MYO16: variants seen among roughly 807,000 people sequenced by gnomAD.
MYO16 encodes myosin XVI, also known as unconventional myosin-XVI.
In MYO16, 94 loss-of-function variants were observed where a neutral mutation model predicts 205.3. The observed-to-expected ratio is 0.46, with a 90% confidence interval of 0.39 to 0.54. MYO16 has a LOEUF of 0.54. Among genes scored for constraint, MYO16 ranks in the 20% least tolerant of loss-of-function variants. The pLI is 0.00. For synonymous variants in MYO16, 988 were observed against 954.0 expected, an observed-to-expected ratio of 1.04 and a Z score of -0.66; for missense variants, 2,315 against 2,387.5, an observed-to-expected ratio of 0.97 and a Z score of 0.63.
chr13:108,503,348 C>T, the MYO16 span, among the ~76,000 whole-genome samples: 6 of 152,054 alleles, frequency 3.9e-5, no homozygotes, highest in Admixed American at 3.3e-4. Flanking sequence ...CTGCCGGGAG[C>T]CGACGATATA....
the MYO16 span, among the ~76,000 whole-genome samples, chr13:108,543,535 C>A: frequency 1.3e-5 from 2 of 150,374 alleles, no homozygotes; most frequent in African/African-American, 4.9e-5. Flanking sequence ...CCAGCTACTC[C>A]GGAGGCTGAG....
chr13:109,164,341 TG>T (rs1647346480), intron 32 of MYO16, among the ~76,000 whole-genome samples: 1 of 152,188 alleles, frequency 6.6e-6, no homozygotes, highest in African/African-American at 2.4e-5. Context: ...GTGGCTTTCG[TG>T]TTCGTACCTC....
chr13:109,153,080 C>T lies in MYO16; in HGVS notation c.5164+11704C>T, dbSNP rs192447914. On this transcript the variant is annotated intron_variant, in intron 32 of 34. Coordinates refer to ENST00000457511, the MANE Select transcript of MYO16 (RefSeq NM_001198950.3). ...GATACTACTCGGGATTCACAAAACA[C>T]GACGTATCCATGACGCTCGTTCAAC... is the stretch of plus-strand genomic sequence containing the variant. 2.7e-4 allele frequency among the ~76,000 whole-genome samples: 41 copies of T among 152,244 alleles called. No homozygotes were observed. In the South Asian group the frequency reaches 3.1e-3, roughly 12 times the overall value.
intron 2 of MYO16, among the ~76,000 whole-genome samples, chr13:108,671,208 G>A (rs1189167589): frequency 6.6e-6 from 1 of 152,184 alleles, no homozygotes; most frequent in East Asian, 1.9e-4. Flanking sequence ...TTTGCATGGT[G>A]TAATGATTAT....
In MYO16 at chr13:109,125,054, G is replaced by T. The variant is rs1056466790; in HGVS notation, c.3536-58G>T. ...TAAGTATATTATGATTTTTGTTTGTGCATGTCTGAGTTTTTCACTTTTCCT... is the reference window on the plus strand; with the variant it reads ...TAAGTATATTATGATTTTTGTTTGTTCATGTCTGAGTTTTTCACTTTTCCT... On this transcript the variant is annotated intron_variant, in intron 29 of 34. Transcript: ENST00000457511. The surrounding 1 kb of genome is among the most constrained non-coding windows in gnomAD (Gnocchi z 4.0). 6.4e-7 allele frequency: 1 copy of T among 1,566,492 alleles called. No individual in the cohort carries two copies.
intron 16 of MYO16, among the ~76,000 whole-genome samples, chr13:108,946,868 A>G (rs1882960716): frequency 6.6e-6 from 1 of 152,086 alleles, no homozygotes; most frequent in Non-Finnish European, 1.5e-5. Flanking sequence ...CAGCCTCCCA[A>G]ATAGCAGGGA....
the MYO16 span, among the ~76,000 whole-genome samples, chr13:108,538,965 G>A: frequency 6.6e-6 from 1 of 152,080 alleles, no homozygotes; most frequent in African/African-American, 2.4e-5. Context: ...ACTGAATAGT[G>A]TGTACCACTC....
intron 16 of MYO16, among the ~76,000 whole-genome samples, chr13:108,913,949 T>C (rs1184490163): frequency 6.6e-6 from 1 of 152,196 alleles, no homozygotes; most frequent in Non-Finnish European, 1.5e-5. Flanking sequence ...GATTTCTTTA[T>C]GGCACTTCCC....
At chr13:108,544,993 C>T in the MYO16 span, among the ~76,000 whole-genome samples, 2 of 149,698 alleles carry the variant, frequency 1.3e-5, no homozygotes, top group African/African-American at 4.9e-5. Flanking sequence ...ATTTTCTTTT[C>T]TTTTTTTTTT....
chr13:108,891,829 G>A lies in MYO16; in HGVS notation c.1659+3352G>A, dbSNP rs192171849. Among the ~76,000 whole-genome samples, 429 of 152,222 alleles carry A rather than the reference G, an allele frequency of 2.8e-3. 2 individuals are homozygous for A. In the Middle Eastern group the frequency reaches 0.041, roughly 14 times the overall value. ...CTAAAGGTTCAAAAGTTAAAAATAC[G>A]GAAATATACTGCACAATGAATATTG... On this transcript the variant is annotated intron_variant, in intron 14 of 34. Coordinates refer to ENST00000457511, the MANE Select transcript of MYO16 (RefSeq NM_001198950.3).
chr13:108,761,913 T>A (rs1307816215), intron 4 of MYO16, among the ~76,000 whole-genome samples: 6 of 152,236 alleles, frequency 3.9e-5, no homozygotes, highest in Non-Finnish European at 8.8e-5. Context: ...CATACATTGA[T>A]TTCATAGTGG....
chr13:109,200,241 T>G (rs1880346324), intron 34 of MYO16, among the ~76,000 whole-genome samples: 1 of 152,220 alleles, frequency 6.6e-6, no homozygotes, highest in South Asian at 2.1e-4. Flanking sequence ...TCTTTGGTTT[T>G]ATTTTAAATC....
At chr13:108,970,292 A>G (rs996284460) in intron 20 of MYO16, among the ~76,000 whole-genome samples, 6 of 152,182 alleles carry the variant, frequency 3.9e-5, no homozygotes, top group Non-Finnish European at 7.4e-5. Flanking sequence ...AAAAAGCATG[A>G]CTTGTGGTAT....
rs770254011 is a variant in MYO16 at position 109,046,926 on chromosome 13, ATGT to A, written c.2813_2815del (p.Val938del). 2 of 1,607,022 alleles carry A rather than the reference ATGT, an allele frequency of 1.2e-6. No homozygotes were observed. Among genetic ancestry groups the A allele is most frequent in the Non-Finnish European group, 1.7e-6 (2 of 1,173,796 alleles). ...TTTCTTTTATTCTAGGTAATGTATG[ATGT>A]TGTTGGGGCGATTGAAAAAAATAAA... On this transcript the variant is annotated inframe_deletion, in exon 24 of 35. Coordinates refer to ENST00000457511, the MANE Select transcript of MYO16 (RefSeq NM_001198950.3).
intron 28 of MYO16, among the ~76,000 whole-genome samples, chr13:109,111,422 A>G (rs1889278965): frequency 6.6e-6 from 1 of 152,194 alleles, no homozygotes; most frequent in Non-Finnish European, 1.5e-5. Flanking sequence ...TGGGCACTTT[A>G]AAAAATACTA....
chr13:108,987,834 T>G (rs919674518), intron 20 of MYO16, among the ~76,000 whole-genome samples: 1 of 152,224 alleles, frequency 6.6e-6, no homozygotes, highest in African/African-American at 2.4e-5. Flanking sequence ...CAGATTGTTC[T>G]GCTCAGATGA....
intron 22 of MYO16, among the ~76,000 whole-genome samples, chr13:109,015,984 T>TTAAC (rs1885799618): frequency 6.6e-6 from 1 of 152,194 alleles, no homozygotes; most frequent in Non-Finnish European, 1.5e-5. Context: ...CTGATCTTAG[T>TTAAC]TATTTCTTGC....
chr13:108,920,750 T>C (rs533614230), intron 16 of MYO16, among the ~76,000 whole-genome samples: 57 of 152,330 alleles, frequency 3.7e-4, no homozygotes, highest in African/African-American at 1.3e-3. Context: ...TGAGCCACTA[T>C]GCCCAGCCAT....
intron 21 of MYO16, among the ~76,000 whole-genome samples, chr13:109,004,686 A>T (rs192534221): frequency 1.3e-5 from 2 of 152,274 alleles, no homozygotes; most frequent in South Asian, 4.1e-4. Context: ...GATCATGAAG[A>T]TCTGGATTGC....
Sources: allele counts gnomAD v4.1 joint callset (sites outside exome capture counted in the v4.1 genomes callset), GRCh38; gene constraint gnomAD v4.1.1; non-coding constraint Gnocchi (gnomAD v3.1); transcripts MANE v1.5; gene names NCBI Gene and HGNC (gene_info 2026-07-23, HGNC 2026-07-21).